AQP7B: variants seen among roughly 807,000 people sequenced by gnomAD.
AQP7B encodes putative aquaporin-7B.
At chr2:94,598,778 G>A in the AQP7B span, among the ~76,000 whole-genome samples, 4 of 152,122 alleles carry the variant, frequency 2.6e-5, no homozygotes, top group East Asian at 3.9e-4. Context: ...AATCATGTGG[G>A]GTTCATTCAC....
At chr2:94,597,072 G>A in the AQP7B span, among the ~76,000 whole-genome samples, 12 of 152,238 alleles carry the variant, frequency 7.9e-5, no homozygotes, top group Admixed American at 7.8e-4. Flanking sequence ...ACCCAGTGTG[G>A]TACCCATGTA....
chr2:94,601,199 C>A, the AQP7B span, among the ~76,000 whole-genome samples: 1 of 152,200 alleles, frequency 6.6e-6, no homozygotes, highest in African/African-American at 2.4e-5. Context: ...CTTGGACAAG[C>A]CATTCAAGTT....
the AQP7B span, among the ~76,000 whole-genome samples, chr2:94,589,996 C>G: frequency 6.6e-6 from 1 of 152,212 alleles, no homozygotes; most frequent in Non-Finnish European, 1.5e-5. Flanking sequence ...CCACCACCCG[C>G]CCATTCTTCA....
the AQP7B span, among the ~76,000 whole-genome samples, chr2:94,591,766 G>A: frequency 6.6e-6 from 1 of 152,040 alleles, no homozygotes; most frequent in African/African-American, 2.4e-5. Context: ...AGTGATCCCT[G>A]CCTCCCTGGA....
the AQP7B span, chr2:94,603,508 G>C: frequency 2.5e-6 from 4 of 1,605,872 alleles, no homozygotes; most frequent in Admixed American, 6.7e-5. Context: ...TGAGGTCAGT[G>C]GTCCAGGATG....
chr2:94,600,172 G>C, the AQP7B span, among the ~76,000 whole-genome samples: 1 of 152,040 alleles, frequency 6.6e-6, no homozygotes, highest in Non-Finnish European at 1.5e-5. Flanking sequence ...ACCCAGCCTG[G>C]TCTGCCTTCT....
the AQP7B span, among the ~76,000 whole-genome samples, chr2:94,598,100 G>T: frequency 6.6e-6 from 1 of 152,198 alleles, no homozygotes; most frequent in Non-Finnish European, 1.5e-5. Context: ...CAGATTTGTT[G>T]TGAGGATTGA....
the AQP7B span, among the ~76,000 whole-genome samples, chr2:94,592,850 G>A: frequency 9.7e-6 from 1 of 102,850 alleles, no homozygotes; most frequent in Non-Finnish European, 1.8e-5. Flanking sequence ...TTGAGACAGG[G>A]TTTCGCTCTG....
the AQP7B span, chr2:94,604,567 C>G: frequency 1.3e-6 from 2 of 1,589,740 alleles, no homozygotes; most frequent in African/African-American, 2.7e-5. Flanking sequence ...CCCTAGAGCA[C>G]TTCTAAGCAG....
chr2:94,595,615 G>T, the AQP7B span, among the ~76,000 whole-genome samples: 1 of 152,166 alleles, frequency 6.6e-6, no homozygotes, highest in African/African-American at 2.4e-5. Flanking sequence ...AGCAGGACAG[G>T]CAAGGCTGGC....
chr2:94,603,246 A>G, the AQP7B span: 1 of 1,391,738 alleles, frequency 7.2e-7, no homozygotes, highest in Non-Finnish European at 9.9e-7. Flanking sequence ...ATTGGACCTC[A>G]GTGTCCTGAT....
chr2:94,604,486 C>A, the AQP7B span: 5 of 1,610,876 alleles, frequency 3.1e-6, no homozygotes, highest in Non-Finnish European at 4.2e-6. Flanking sequence ...TCTCTCCCCT[C>A]ACCCTCATCT....
chr2:94,588,981 T>A, the AQP7B span, among the ~76,000 whole-genome samples: 30 of 150,652 alleles, frequency 2.0e-4, no homozygotes, highest in Non-Finnish European at 4.0e-4. Flanking sequence ...CTGTTTTTTT[T>A]TCTTTTTTTT....
the AQP7B span, among the ~76,000 whole-genome samples, chr2:94,595,450 G>GA: frequency 2.5e-4 from 37 of 150,364 alleles, no homozygotes; most frequent in Admixed American, 7.3e-4. Context: ...AGAAAAAAAA[G>GA]AAAAAAAAAG....
At chr2:94,602,097 G>A in the AQP7B span, among the ~76,000 whole-genome samples, 1 of 151,200 alleles carries the variant, frequency 6.6e-6, no homozygotes, top group Non-Finnish European at 1.5e-5. Flanking sequence ...TGGATTTGGA[G>A]GTCCCTTGAA....
At chr2:94,597,606 T>G in the AQP7B span, among the ~76,000 whole-genome samples, 2 of 150,414 alleles carry the variant, frequency 1.3e-5, no homozygotes, top group Admixed American at 1.3e-4. Context: ...TATCACAGTC[T>G]TTTTTGTTTT....
the AQP7B span, among the ~76,000 whole-genome samples, chr2:94,592,798 G>C: frequency 9.1e-6 from 1 of 110,048 alleles, no homozygotes; most frequent in Non-Finnish European, 1.8e-5. Context: ...AAGAAAAACT[G>C]TTAATTAATT....
At chr2:94,591,786 A>G in the AQP7B span, among the ~76,000 whole-genome samples, 1 of 150,524 alleles carries the variant, frequency 6.6e-6, no homozygotes, top group Non-Finnish European at 1.5e-5. Flanking sequence ...AGGCTCCTTT[A>G]CCCTCCAGCC....
the AQP7B span, among the ~76,000 whole-genome samples, chr2:94,591,794 G>A: frequency 6.6e-6 from 1 of 152,046 alleles, no homozygotes; most frequent in Non-Finnish European, 1.5e-5. Flanking sequence ...TTACCCTCCA[G>A]CCTTCTTTTC....
Sources: gnomAD v4.1 joint callset for allele counts (sites outside exome capture counted in the v4.1 genomes callset) on GRCh38, gnomAD v4.1.1 for gene constraint, MANE v1.5 for transcripts, NCBI Gene and HGNC (gene_info 2026-07-23, HGNC 2026-07-21) for gene names.